Variants in KHDRBS2 observed in about 807,000 individuals in gnomAD.
The protein encoded by KHDRBS2 is KH domain-containing, RNA-binding, signal transduction-associated protein 2.
KHDRBS2 carries 26 observed loss-of-function variants against 44.3 expected under a neutral mutation model. The observed-to-expected ratio is 0.59, with a 90% confidence interval of 0.43 to 0.81. The LOEUF (loss-of-function observed/expected upper bound fraction) is 0.81, where lower values mean the gene tolerates loss of function less well. Ranked by LOEUF, KHDRBS2 falls within the 40% of genes least tolerant of loss-of-function variation. KHDRBS2 has a pLI of 0.00. For synonymous variants in KHDRBS2, 194 were observed against 151.1 expected (o/e 1.28, Z -2.08); for missense variants, 476 against 433.1 (o/e 1.10, Z -0.88).
At chr6:61,939,910 T>A (rs772129102) in intron 4 of KHDRBS2, among the ~76,000 whole-genome samples, 1 of 152,200 alleles carries the variant, frequency 6.6e-6, no homozygotes, top group Non-Finnish European at 1.5e-5. Context: ...TAGAGCAGAA[T>A]GTTTTGTTCT....
chr6:62,010,554 C>T (rs1234322314), intron 3 of KHDRBS2, among the ~76,000 whole-genome samples: 1 of 152,146 alleles, frequency 6.6e-6, no homozygotes, highest in Non-Finnish European at 1.5e-5. Context: ...ACCCAAATCT[C>T]ATCTTACAGC....
intron 4 of KHDRBS2, among the ~76,000 whole-genome samples, chr6:61,903,528 A>G (rs1804435297): frequency 6.6e-6 from 1 of 152,204 alleles, no homozygotes; most frequent in South Asian, 2.1e-4. Flanking sequence ...GAATAGGAGG[A>G]AAAGGATGAA....
At chr6:62,068,348 T>C (rs1794227678) in intron 2 of KHDRBS2, among the ~76,000 whole-genome samples, 1 of 151,660 alleles carries the variant, frequency 6.6e-6, no homozygotes, top group Non-Finnish European at 1.5e-5. Flanking sequence ...GCAGATTATA[T>C]ATCCAGTTTT....
At chr6:62,039,479 T>C (rs952020547) in intron 3 of KHDRBS2, among the ~76,000 whole-genome samples, 9 of 152,092 alleles carry the variant, frequency 5.9e-5, no homozygotes, top group South Asian at 4.1e-4. Flanking sequence ...TACAAATATA[T>C]ATTTCTAAAC....
intron 6 of KHDRBS2, among the ~76,000 whole-genome samples, chr6:61,790,038 C>T (rs1256829405): frequency 6.6e-6 from 1 of 151,296 alleles, no homozygotes; most frequent in Non-Finnish European, 1.5e-5. Flanking sequence ...GGTTTGGGTG[C>T]TAGTGAATTG....
chr6:61,982,058 C>A (rs1773950237), intron 3 of KHDRBS2, among the ~76,000 whole-genome samples: 1 of 152,106 alleles, frequency 6.6e-6, no homozygotes, highest in African/African-American at 2.4e-5. Context: ...TTTAACATAG[C>A]CATTTTAAGC....
intron 3 of KHDRBS2, among the ~76,000 whole-genome samples, chr6:62,044,432 G>A (rs1302669248): frequency 4.6e-5 from 7 of 151,898 alleles, no homozygotes; most frequent in African/African-American, 1.5e-4. Context: ...GCTGCAGTGA[G>A]CTGTGATTGC....
chr6:61,830,875 C>T (rs1232583228), intron 6 of KHDRBS2, among the ~76,000 whole-genome samples: 7 of 152,196 alleles, frequency 4.6e-5, no homozygotes, highest in South Asian at 4.1e-4. Flanking sequence ...ACATCTGTAA[C>T]ATTTTATTCT....
chr6:61,955,073 C>T (rs114296885), intron 4 of KHDRBS2, among the ~76,000 whole-genome samples: 6,318 of 139,928 alleles, frequency 0.045, 507 homozygotes, highest in African/African-American at 0.16. Context: ...TACACATATA[C>T]GTGTGTATGT....
intron 6 of KHDRBS2, among the ~76,000 whole-genome samples, chr6:61,802,038 G>A (rs534808585): frequency 6.6e-6 from 1 of 152,204 alleles, no homozygotes; most frequent in East Asian, 1.9e-4. Flanking sequence ...AGATGGAAAG[G>A]GTCACATGAG....
At chr6:62,078,882 G>C (rs1230275619) in intron 2 of KHDRBS2, among the ~76,000 whole-genome samples, 1 of 151,934 alleles carries the variant, frequency 6.6e-6, no homozygotes, top group African/African-American at 2.4e-5. Context: ...AACATTTTTT[G>C]TGTGTCACTG....
chr6:61,911,262 G>T (rs1199722336), intron 4 of KHDRBS2, among the ~76,000 whole-genome samples: 1 of 152,144 alleles, frequency 6.6e-6, no homozygotes, highest in African/African-American at 2.4e-5. Context: ...AGTTCCTGAA[G>T]GAGTTTTGCT....
chr6:61,763,348 T>C (rs985753823), intron 6 of KHDRBS2, among the ~76,000 whole-genome samples: 2 of 152,212 alleles, frequency 1.3e-5, no homozygotes, highest in Non-Finnish European at 2.9e-5. Context: ...CCAATGCTGT[T>C]GTAACTCTAA....
intron 1 of KHDRBS2, among the ~76,000 whole-genome samples, chr6:62,221,797 C>T (rs1830943189): frequency 6.6e-6 from 1 of 152,048 alleles, no homozygotes; most frequent in African/African-American, 2.4e-5. Flanking sequence ...ACTTCATGGA[C>T]ATATCAACCA....
At chr6:62,114,262 A>T (rs937384707) in intron 2 of KHDRBS2, among the ~76,000 whole-genome samples, 5 of 152,110 alleles carry the variant, frequency 3.3e-5, no homozygotes, top group Admixed American at 6.6e-5. Flanking sequence ...GGTGCATAAG[A>T]TGCTTCAGTA....
At chr6:62,036,557 A>C (rs909794474) in intron 3 of KHDRBS2, among the ~76,000 whole-genome samples, 3 of 152,002 alleles carry the variant, frequency 2.0e-5, no homozygotes, top group Non-Finnish European at 4.4e-5. Context: ...TATAAGAAAA[A>C]AAAGTAATTT....
intron 2 of KHDRBS2, among the ~76,000 whole-genome samples, chr6:62,140,121 C>T (rs1295958552): frequency 3.3e-5 from 5 of 152,148 alleles, no homozygotes; most frequent in Non-Finnish European, 7.3e-5. Context: ...TTTGCTTAAG[C>T]TCCTAGACTA....
At chr6:61,613,748 T>G in the KHDRBS2 span, among the ~76,000 whole-genome samples, 9 of 152,192 alleles carry the variant, frequency 5.9e-5, no homozygotes, top group African/African-American at 2.2e-4. Context: ...AGAGGAAAGC[T>G]GTTACTGTTC....
At chr6:61,822,474 A>C (rs1376609811) in intron 6 of KHDRBS2, among the ~76,000 whole-genome samples, 1 of 151,900 alleles carries the variant, frequency 6.6e-6, no homozygotes, top group Non-Finnish European at 1.5e-5. Flanking sequence ...CATCTTCATC[A>C]GTGCTTCAAT....
Sources: gnomAD v4.1 joint callset for allele counts (sites outside exome capture counted in the v4.1 genomes callset) on GRCh38, gnomAD v4.1.1 for gene constraint, MANE v1.5 for transcripts, NCBI Gene and HGNC (gene_info 2026-07-23, HGNC 2026-07-21) for gene names.